CACNB2: variants seen among roughly 807,000 people sequenced by gnomAD.
CACNB2 encodes voltage-dependent L-type calcium channel subunit beta-2.
CACNB2 carries 42 observed loss-of-function variants against 73.3 expected under a neutral mutation model. The observed-to-expected ratio is 0.57, with a 90% CI of 0.45 to 0.74. CACNB2 has a LOEUF of 0.74. Among genes scored for constraint, CACNB2 ranks in the 30% least tolerant of loss-of-function variants. CACNB2 has a pLI of 0.00. For missense variants in CACNB2, 940 were observed against 853.0 expected (o/e 1.10, Z -1.27); for synonymous variants, 348 against 310.3 (o/e 1.12, Z -1.28).
intron 3 of CACNB2, among the ~76,000 whole-genome samples, chr10:18,411,506 ATT>A (rs72400253): frequency 0.013 from 1,666 of 125,626 alleles, 19 homozygotes; most frequent in African/African-American, 0.044. Context: ...GTCTTTGAGC[ATT>A]TTTTTTTTTT....
intron 2 of CACNB2, among the ~76,000 whole-genome samples, chr10:18,336,915 T>G (rs1329777485): frequency 2.0e-5 from 3 of 152,200 alleles, no homozygotes; most frequent in African/African-American, 7.2e-5. Flanking sequence ...TTGTAGAAAG[T>G]TTGAAAAGTA....
At chr10:18,409,918 G>C (rs2044523332) in intron 3 of CACNB2, among the ~76,000 whole-genome samples, 1 of 152,102 alleles carries the variant, frequency 6.6e-6, no homozygotes, top group Non-Finnish European at 1.5e-5. Flanking sequence ...TTTACTCTCA[G>C]CTATCCTTCT....
chr10:18,151,139 C>T, intron 2 of CACNB2, 164 bp downstream of exon 2: 2 of 583,572 alleles, frequency 3.4e-6, no homozygotes, highest in South Asian at 2.3e-5. Flanking sequence ...ATATTTTAAT[C>T]TTAAGTGAGA....
At chr10:18,228,837 T>C (rs1265256541) in intron 2 of CACNB2, among the ~76,000 whole-genome samples, 1 of 152,150 alleles carries the variant, frequency 6.6e-6, no homozygotes, top group Non-Finnish European at 1.5e-5. Context: ...CCTCCTGGGT[T>C]CAAGGATTCT....
At chr10:18,350,104 G>A (rs1444487964) in intron 2 of CACNB2, among the ~76,000 whole-genome samples, 1 of 152,026 alleles carries the variant, frequency 6.6e-6, no homozygotes, top group Non-Finnish European at 1.5e-5. Flanking sequence ...AATTAGCCAG[G>A]CATGGTGGCG....
At chr10:18,391,925 C>CAAAAA (rs34698093) in intron 2 of CACNB2, among the ~76,000 whole-genome samples, 9 of 84,266 alleles carry the variant, frequency 1.1e-4, no homozygotes, top group East Asian at 7.6e-4. Context: ...AAGACCCTGT[C>CAAAAA]AAAAAAAAAA....
At chr10:18,380,456 T>TC (rs1255319870) in intron 2 of CACNB2, among the ~76,000 whole-genome samples, 112 of 135,386 alleles carry the variant, frequency 8.3e-4, no homozygotes, top group Middle Eastern at 7.1e-3. Context: ...GTTTTTCTTT[T>TC]TTTTTTTTTT....
chr10:18,418,692 T>C (rs2045142802), intron 3 of CACNB2, among the ~76,000 whole-genome samples: 1 of 152,236 alleles, frequency 6.6e-6, no homozygotes. Flanking sequence ...TGTACCTCAC[T>C]GCCGATTTCT....
At chr10:18,470,744 C>T (rs902389773) in intron 3 of CACNB2, among the ~76,000 whole-genome samples, 2 of 152,104 alleles carry the variant, frequency 1.3e-5, no homozygotes, top group African/African-American at 4.8e-5. Flanking sequence ...GCGTCTGGCA[C>T]CTGGTAGGCA....
At chr10:18,496,302 C>A (rs2049810274) in intron 3 of CACNB2, among the ~76,000 whole-genome samples, 1 of 151,910 alleles carries the variant, frequency 6.6e-6, no homozygotes, top group South Asian at 2.1e-4. Flanking sequence ...TCCCAATCTG[C>A]AAATTGTGAC....
intron 3 of CACNB2, among the ~76,000 whole-genome samples, chr10:18,434,638 C>T (rs1180573188): frequency 6.6e-6 from 1 of 152,072 alleles, no homozygotes; most frequent in Admixed American, 6.6e-5. Context: ...TGGGCTCAAA[C>T]AATCCACCCA....
chr10:18,385,412 A>G (rs1336535796), intron 2 of CACNB2, among the ~76,000 whole-genome samples: 1 of 131,700 alleles, frequency 7.6e-6, no homozygotes, highest in African/African-American at 2.8e-5. Flanking sequence ...CAGCCACTTA[A>G]ATGTTCTAGA....
At chr10:18,491,669 A>G (rs1057035518) in intron 3 of CACNB2, among the ~76,000 whole-genome samples, 1 of 152,164 alleles carries the variant, frequency 6.6e-6, no homozygotes, top group Non-Finnish European at 1.5e-5. Context: ...TGGTAAGAGG[A>G]AAGAGTTCCA....
intron 2 of CACNB2, among the ~76,000 whole-genome samples, chr10:18,202,719 A>G (rs1020847204): frequency 1.3e-5 from 2 of 152,212 alleles, no homozygotes; most frequent in African/African-American, 4.8e-5. Flanking sequence ...CTCAGGTTCT[A>G]TTTTGGAATG....
At chr10:18,503,141 A>T (rs2050299771) in intron 5 of CACNB2, among the ~76,000 whole-genome samples, 1 of 151,976 alleles carries the variant, frequency 6.6e-6, no homozygotes, top group Non-Finnish European at 1.5e-5. Flanking sequence ...GCATTTCTTA[A>T]TGAGAAAAAA....
chr10:18,229,523 G>A (rs979710797), intron 2 of CACNB2, among the ~76,000 whole-genome samples: 1 of 152,076 alleles, frequency 6.6e-6, no homozygotes, highest in African/African-American at 2.4e-5. Context: ...ATTTTGCTTG[G>A]TAAGATATGA....
At chr10:18,539,209 G>T in intron 13 of CACNB2, 21 bp from the exon 14 acceptor site, 1 of 1,613,894 alleles carries the variant, frequency 6.2e-7, no homozygotes, top group Non-Finnish European at 8.5e-7. Context: ...TTAACGCCTG[G>T]TGTGCTCCTT....
intron 2 of CACNB2, among the ~76,000 whole-genome samples, chr10:18,285,825 A>G (rs534488753): frequency 6.6e-6 from 1 of 152,170 alleles, no homozygotes; most frequent in South Asian, 2.1e-4. Context: ...AAATAGCTTT[A>G]TGGAATAATA....
At chr10:18,259,548 A>T (rs1049522007) in intron 2 of CACNB2, among the ~76,000 whole-genome samples, 22 of 112,712 alleles carry the variant, frequency 2.0e-4, no homozygotes, top group African/African-American at 7.2e-4. Flanking sequence ...CTACTGAAAA[A>T]AAAACAAAAA....
Sources: gnomAD v4.1 joint callset for allele counts (sites outside exome capture counted in the v4.1 genomes callset) on GRCh38, gnomAD v4.1.1 for gene constraint, MANE v1.5 for transcripts, NCBI Gene and HGNC (gene_info 2026-07-23, HGNC 2026-07-21) for gene names.